SMYD3: variants seen among roughly 807,000 people sequenced by gnomAD.
The protein encoded by SMYD3 is SET and MYND domain containing 3.
A neutral mutation model predicts 57.7 loss-of-function variants in SMYD3; 36 were observed. That is an observed-to-expected ratio of 0.62 (90% CI 0.48 to 0.82). The LOEUF is 0.82. Ranked by LOEUF, SMYD3 falls within the 40% of genes least tolerant of loss-of-function variation. The probability of loss-of-function intolerance (pLI) is 0.00; values close to 1 mark genes in which losing one functional copy is unlikely to be tolerated. For synonymous variants in SMYD3, 211 were observed against 195.0 expected, an observed-to-expected ratio of 1.08 and a Z score of -0.68; for missense variants, 515 against 538.8, an observed-to-expected ratio of 0.96 and a Z score of 0.44.
chr1:245,773,119 G>A (rs546442947), intron 10 of SMYD3, among the ~76,000 whole-genome samples: 14 of 143,610 alleles, frequency 9.7e-5, no homozygotes, highest in African/African-American at 3.1e-4. Context: ...AAGCATGATA[G>A]CATCAAAATG....
At chr1:246,449,415 A>G (rs2067598530) in intron 1 of SMYD3, among the ~76,000 whole-genome samples, 1 of 152,114 alleles carries the variant, frequency 6.6e-6, no homozygotes, top group African/African-American at 2.4e-5. Context: ...TCAATTAGTT[A>G]TTTTTGTGAT....
intron 5 of SMYD3, among the ~76,000 whole-genome samples, chr1:245,959,669 T>C (rs563166901): frequency 6.6e-6 from 1 of 152,350 alleles, no homozygotes; most frequent in East Asian, 1.9e-4. Flanking sequence ...GCTCATCTTA[T>C]ACCAGTGCTG....
intron 2 of SMYD3, among the ~76,000 whole-genome samples, chr1:246,341,199 T>C (rs1361708640): frequency 6.6e-6 from 1 of 152,160 alleles, no homozygotes; most frequent in Non-Finnish European, 1.5e-5. Flanking sequence ...GAGAAGTACT[T>C]TTATACGAAA....
At chr1:246,106,257 A>C (rs986714099) in intron 5 of SMYD3, among the ~76,000 whole-genome samples, 1 of 152,216 alleles carries the variant, frequency 6.6e-6, no homozygotes, top group Non-Finnish European at 1.5e-5. Context: ...AATCCTCCTC[A>C]AAAGACCACG....
At chr1:246,328,705 TA>T (rs1015526633) in intron 4 of SMYD3, among the ~76,000 whole-genome samples, 53 of 151,874 alleles carry the variant, frequency 3.5e-4, no homozygotes, top group African/African-American at 1.3e-3. Context: ...TTATTATTAT[TA>T]TATTTTAAGT....
intron 5 of SMYD3, among the ~76,000 whole-genome samples, chr1:246,058,643 T>C (rs1270861601): frequency 2.0e-5 from 3 of 152,212 alleles, no homozygotes; most frequent in Non-Finnish European, 4.4e-5. Context: ...TGAGGAAAGC[T>C]TTTTATAGCC....
intron 10 of SMYD3, among the ~76,000 whole-genome samples, chr1:245,817,665 T>C (rs2048929265): frequency 6.6e-6 from 1 of 151,598 alleles, no homozygotes; most frequent in Admixed American, 6.6e-5. Flanking sequence ...TTTAGAAGAA[T>C]GTATAACTAG....
intron 5 of SMYD3, among the ~76,000 whole-genome samples, chr1:246,233,729 ACTC>A (rs2063464410): frequency 8.1e-6 from 1 of 122,764 alleles, no homozygotes. Flanking sequence ...GAGGAGAAGC[ACTC>A]CTCAATTCAC....
chr1:246,133,076 A>G (rs2148074683), intron 5 of SMYD3, among the ~76,000 whole-genome samples: 1 of 152,200 alleles, frequency 6.6e-6, no homozygotes, highest in South Asian at 2.1e-4. Flanking sequence ...AAAAAACAGT[A>G]TGGCATTTCT....
At chr1:245,807,361 A>C (rs983723087) in intron 10 of SMYD3, among the ~76,000 whole-genome samples, 5 of 152,228 alleles carry the variant, frequency 3.3e-5, no homozygotes, top group African/African-American at 1.2e-4. Context: ...GAAAAAAAAA[A>C]GGTTGGAGAG....
intron 5 of SMYD3, among the ~76,000 whole-genome samples, chr1:245,955,635 G>A (rs1207666296): frequency 6.6e-6 from 1 of 152,006 alleles, no homozygotes; most frequent in East Asian, 1.9e-4. Flanking sequence ...TAGTATTATT[G>A]TTGTTAATCT....
At chr1:246,500,968 T>C (rs995987189) in intron 1 of SMYD3, among the ~76,000 whole-genome samples, 8 of 152,192 alleles carry the variant, frequency 5.3e-5, no homozygotes, top group African/African-American at 1.9e-4. Context: ...TAAAGTCCTT[T>C]CCCAAACCAC....
intron 5 of SMYD3, among the ~76,000 whole-genome samples, chr1:246,005,591 C>T (rs1243045871): frequency 6.6e-6 from 1 of 152,206 alleles, no homozygotes; most frequent in Non-Finnish European, 1.5e-5. Context: ...TGGAATACAG[C>T]AGGGCCTAGG....
At chr1:246,113,114 G>A (rs571180940) in intron 5 of SMYD3, among the ~76,000 whole-genome samples, 38 of 151,644 alleles carry the variant, frequency 2.5e-4, no homozygotes, top group African/African-American at 6.5e-4. Context: ...CCCAGGAGGC[G>A]GAGCTTGCAG....
At chr1:246,226,875 G>T (rs889841419) in intron 5 of SMYD3, among the ~76,000 whole-genome samples, 2 of 152,120 alleles carry the variant, frequency 1.3e-5, no homozygotes, top group Non-Finnish European at 2.9e-5. Context: ...CTTCATTAAT[G>T]AACTTTAAAG....
At chr1:246,078,277 G>A (rs1042263228) in intron 5 of SMYD3, among the ~76,000 whole-genome samples, 3 of 152,030 alleles carry the variant, frequency 2.0e-5, no homozygotes, top group Non-Finnish European at 2.9e-5. Flanking sequence ...ACTAGGCCCC[G>A]AGACACGAAG....
intron 5 of SMYD3, among the ~76,000 whole-genome samples, chr1:246,187,483 A>T (rs76027107): frequency 0.014 from 2,130 of 152,124 alleles, 40 homozygotes; most frequent in African/African-American, 0.047. Flanking sequence ...ATTTGGCACA[A>T]TTTTTTTTCT....
chr1:246,398,699 A>G (rs987018903), intron 1 of SMYD3, among the ~76,000 whole-genome samples: 1 of 152,238 alleles, frequency 6.6e-6, no homozygotes, highest in African/African-American at 2.4e-5. Context: ...GGCTCAGGTT[A>G]GTCAGATCAG....
At chr1:246,099,927 C>T (rs1018776105) in intron 5 of SMYD3, among the ~76,000 whole-genome samples, 21 of 152,168 alleles carry the variant, frequency 1.4e-4, no homozygotes, top group African/African-American at 2.4e-4. Flanking sequence ...TTCAGTTCTC[C>T]GTGCCAAAGG....
Sources: allele counts gnomAD v4.1 joint callset (sites outside exome capture counted in the v4.1 genomes callset), GRCh38; gene constraint gnomAD v4.1.1; transcripts MANE v1.5; gene names NCBI Gene and HGNC (gene_info 2026-07-23, HGNC 2026-07-21).